The following PMP22 variants were observed in gnomAD, a reference collection of about 807,000 sequenced individuals.
PMP22 encodes the protein Charcot-Marie-Tooth neuropathy 1A (greatly reduced nerve conduction velocity, hereditary motor sensory neuropathy Ia).
A neutral mutation model predicts 18.9 loss-of-function variants in PMP22; 2 were observed. The observed-to-expected ratio is 0.11, with a 90% CI of 0.04 to 0.33. The LOEUF (loss-of-function observed/expected upper bound fraction) is 0.33. Among genes scored for constraint, PMP22 ranks in the 10% least tolerant of loss-of-function variants. The pLI, the probability that PMP22 is intolerant of heterozygous loss-of-function variation, is 1.00. For missense variants in PMP22, 169 were observed against 202.2 expected (o/e 0.84, Z 1.00); for synonymous variants, 95 against 89.2 (o/e 1.07, Z -0.37).
At chr17:15,242,473 G>T (rs1020324892) in intron 3 of PMP22, among the ~76,000 whole-genome samples, 7 of 152,072 alleles carry the variant, frequency 4.6e-5, no homozygotes, top group African/African-American at 1.7e-4. Flanking sequence ...ATAGAGGAAA[G>T]ATTTGGTTTA....
intron 3 of PMP22, among the ~76,000 whole-genome samples, chr17:15,246,374 A>G (rs761472613): frequency 6.6e-6 from 1 of 152,252 alleles, no homozygotes; most frequent in Non-Finnish European, 1.5e-5. Context: ...TCTTATTTAC[A>G]AAAGCAGGTT....
intron 4 of PMP22, 83 bp from the exon 5 acceptor site, chr17:15,231,163 T>C (rs562714684): frequency 7.4e-7 from 1 of 1,360,124 alleles, no homozygotes; most frequent in East Asian, 2.3e-5. Context: ...TGCTGACAAT[T>C]GCTGGGTAGG....
chr17:15,234,079 C>T (rs1906587419), intron 4 of PMP22, among the ~76,000 whole-genome samples: 1 of 152,088 alleles, frequency 6.6e-6, no homozygotes, highest in Non-Finnish European at 1.5e-5. Context: ...ATGAGGAGGC[C>T]TTTGCATAGC....
chr17:15,242,538 T>C (rs1302356846), intron 3 of PMP22, among the ~76,000 whole-genome samples: 5 of 152,164 alleles, frequency 3.3e-5, no homozygotes, highest in African/African-American at 1.2e-4. Context: ...TAAATCATTA[T>C]GCATATAATA....
At chr17:15,259,042 A>G (rs1909068231) in intron 3 of PMP22, 52 bp downstream of exon 3, 1 of 1,305,088 alleles carries the variant, frequency 7.7e-7, no homozygotes, top group Non-Finnish European at 1.1e-6. Context: ...GGGCTGAGAA[A>G]CGTGTTACAG....
chr17:15,243,062 C>T (rs1907492065), intron 3 of PMP22, among the ~76,000 whole-genome samples: 1 of 152,046 alleles, frequency 6.6e-6, no homozygotes, highest in Admixed American at 6.6e-5. Context: ...GTATACACTT[C>T]TAAGCATTTG....
intron 1 of PMP22, chr17:15,262,523 C>G (rs1597638468): frequency 6.6e-6 from 1 of 152,280 alleles, no homozygotes. Context: ...AGCTGCGCTG[C>G]GGGGCTGCGC....
intron 3 of PMP22, among the ~76,000 whole-genome samples, chr17:15,255,735 T>A (rs1041112406): frequency 4.6e-5 from 7 of 152,128 alleles, no homozygotes; most frequent in African/African-American, 1.7e-4. Flanking sequence ...AATATTCTCC[T>A]CCCCGTTGCC....
At chr17:15,259,246 G>C in intron 2 of PMP22, 53 bp from the exon 3 acceptor site, 3 of 1,425,562 alleles carry the variant, frequency 2.1e-6, no homozygotes, top group Non-Finnish European at 3.0e-6. Context: ...AGGAGTGAAG[G>C]AAAAGGGGAA....
Position 15,265,152 on chromosome 17 carries a change from A to T in PMP22, c.-35+2T>A, listed in dbSNP as rs1449805355. The T allele has an allele frequency of 1.3e-5, 2 of 152,056 alleles. No individual in the cohort carries two copies. Among genetic ancestry groups the T allele is most frequent in the Non-Finnish European group, 2.9e-5 (2 of 68,024 alleles). The allele number at this position is 152,056 out of a possible 1,614,324, so 9.4% of individuals were successfully genotyped here. A position where few individuals can be genotyped will look rare whatever the true frequency, so the allele number is the denominator to read the frequency against. On this transcript the variant is annotated splice_donor_variant, in intron 1 of 4. Transcript: ENST00000312280. LOFTEE classifies it low-confidence loss of function (5UTR_SPLICE). ...GAGGCACAGTTTGCCAATAAAACTC[A>T]CCCGGCCAAACAGCGTAACCCCTTC... is the stretch of plus-strand genomic sequence containing the variant.
chr17:15,239,477 G>C lies in PMP22; in HGVS notation c.313C>G (p.Leu105Val). The part of the protein sequence containing the change: ...RFYITGIFQI[L>V]AGLCVMSAAA... ...TTTACCATCCACAACTTACCAGCAAGAATTTGGAAGATTCCAGTGATGTAA... is the reference window on the plus strand; with the variant it reads ...TTTACCATCCACAACTTACCAGCAACAATTTGGAAGATTCCAGTGATGTAA... Residue 105 changes from leucine to valine, a missense_variant, in exon 4 of 5, where the codon CTT becomes GTT. Coordinates refer to ENST00000312280, the MANE Select transcript of PMP22 (RefSeq NM_000304.4). 6.2e-7 allele frequency: 1 copy of C among 1,614,202 alleles called. No individual in the cohort carries two copies. The highest frequency in any genetic ancestry group is 1.3e-5 in the African/African-American group (1 of 75,054).
chr17:15,246,835 G>C (rs939437695), intron 3 of PMP22, among the ~76,000 whole-genome samples: 1 of 152,272 alleles, frequency 6.6e-6, no homozygotes, highest in African/African-American at 2.4e-5. Flanking sequence ...ACTTTGGGAG[G>C]CCAAAGCGGG....
chr17:15,236,843 G>C (rs1906860176), intron 4 of PMP22, among the ~76,000 whole-genome samples: 1 of 152,186 alleles, frequency 6.6e-6, no homozygotes, highest in African/African-American at 2.4e-5. Context: ...GCCATTTCCA[G>C]TGCAACATCC....
intron 3 of PMP22, among the ~76,000 whole-genome samples, chr17:15,252,423 C>CTGCTGCTGT (rs1908441789): frequency 1.0e-5 from 1 of 97,314 alleles, no homozygotes; most frequent in African/African-American, 4.5e-5. Context: ...GCTGCTGCTG[C>CTGCTGCTGT]TGCTGCTGCT....
chr17:15,257,563 C>T (rs950147734), intron 3 of PMP22, among the ~76,000 whole-genome samples: 3 of 152,346 alleles, frequency 2.0e-5, no homozygotes, highest in African/African-American at 7.2e-5. Context: ...ATCCGGAGTG[C>T]TCCGGGAACT....
Position 15,260,821 on chromosome 17 carries a change from G to T in PMP22, c.-34-60C>A, listed in dbSNP as rs957192136. On this transcript the variant is annotated intron_variant, in intron 1 of 4. Coordinates refer to ENST00000312280, the MANE Select transcript of PMP22 (RefSeq NM_000304.4). ...ACTGGGCCGAGCGACGGAGGCGCGCGCAGAGGGAGGGTCCCGCGCACTAGC... is the reference window on the plus strand; with the variant it reads ...ACTGGGCCGAGCGACGGAGGCGCGCTCAGAGGGAGGGTCCCGCGCACTAGC... 1.1e-5 allele frequency: 13 copies of T among 1,137,818 alleles called. No homozygotes were observed. In the African/African-American group the frequency reaches 1.9e-4, roughly 16 times the overall value. The allele number at this position is 1,137,818 out of a possible 1,614,324, so 70.5% of individuals were successfully genotyped here.
At chr17:15,241,661 A>G (rs535486751) in intron 3 of PMP22, among the ~76,000 whole-genome samples, 47 of 152,220 alleles carry the variant, frequency 3.1e-4, no homozygotes, top group Non-Finnish European at 5.6e-4. Flanking sequence ...TCTAATATTT[A>G]ATAATATAAC....
chr17:15,260,929 G>T, intron 1 of PMP22, 168 bp from the exon 2 acceptor site: 1 of 403,548 alleles, frequency 2.5e-6, no homozygotes, highest in Non-Finnish European at 4.3e-6. Context: ...GCCGAGAGGG[G>T]GCAGCAGCCG....
intron 4 of PMP22, chr17:15,235,103 C>A (rs1330261984): frequency 9.2e-6 from 6 of 649,460 alleles, no homozygotes; most frequent in African/African-American, 3.6e-5. Context: ...TACAGGCATT[C>A]GCCACCACAC....
Sources: allele counts gnomAD v4.1 joint callset (sites outside exome capture counted in the v4.1 genomes callset), GRCh38; gene constraint gnomAD v4.1.1; transcripts MANE v1.5; gene names NCBI Gene and HGNC (gene_info 2026-07-23, HGNC 2026-07-21).